DISC1: variants seen among roughly 807,000 people sequenced by gnomAD.
DISC1 encodes DISC1 scaffold protein.
Under a neutral mutation model 84.5 loss-of-function variants are expected in DISC1, and 57 were observed. That is an observed-to-expected ratio of 0.67 (90% confidence interval 0.55 to 0.84). The LOEUF (loss-of-function observed/expected upper bound fraction) is 0.84, where lower values mean the gene tolerates loss of function less well. Ranked by LOEUF, DISC1 falls within the 40% of genes least tolerant of loss-of-function variation. The pLI is 0.00. For synonymous variants in DISC1, 411 were observed against 415.2 expected, an observed-to-expected ratio of 0.99 and a Z score of 0.12; for missense variants, 1,000 against 1,057.8, an observed-to-expected ratio of 0.95 and a Z score of 0.76.
At chr1:232,034,860 CG>C (rs1670368422) in intron 12 of DISC1, among the ~76,000 whole-genome samples, 2 of 150,244 alleles carry the variant, frequency 1.3e-5, no homozygotes, top group Non-Finnish European at 3.0e-5. Context: ...TAAAGATTAG[CG>C]GAACTATGTA....
intron 4 of DISC1, 129 bp from the exon 5 acceptor site, chr1:231,767,011 G>A: frequency 8.0e-7 from 1 of 1,244,150 alleles, no homozygotes; most frequent in Non-Finnish European, 1.1e-6. Context: ...CCTAAAAACA[G>A]GTAAGTACCC....
At position 231,885,917 on chromosome 1, in the gene DISC1, T is replaced by A. The variant is rs545350174; in HGVS notation, c.1981+67400T>A. Among the ~76,000 whole-genome samples the A allele has an allele frequency of 3.9e-5, 6 of 152,294 alleles. No homozygotes were observed. The East Asian group carries it at 1.2e-3, about 29-fold the overall frequency. On this transcript the variant is annotated intron_variant, in intron 9 of 12. Transcript: ENST00000439617. ...TGGCCATAACAGAACACCATAGATT[T>A]GGTAATTTATAAAGAGCAGAAACAT...
intron 1 of DISC1, among the ~76,000 whole-genome samples, chr1:231,673,043 G>T (rs1417942950): frequency 6.6e-6 from 1 of 152,218 alleles, no homozygotes; most frequent in Non-Finnish European, 1.5e-5. Context: ...CCTCTGGTGA[G>T]TGCAGGGGGA....
At chr1:231,995,530 C>T (rs1249384632) in intron 10 of DISC1, among the ~76,000 whole-genome samples, 1 of 151,986 alleles carries the variant, frequency 6.6e-6, no homozygotes, top group East Asian at 1.9e-4. Flanking sequence ...GTGATGTTCC[C>T]CTTCCTGTGT....
At chr1:231,969,752 C>G (rs543314995) in intron 10 of DISC1, among the ~76,000 whole-genome samples, 2 of 152,046 alleles carry the variant, frequency 1.3e-5, no homozygotes, top group East Asian at 1.9e-4. Context: ...CTCCCCTCTC[C>G]CCCCACCCCA....
chr1:231,874,483 A>G (rs568388055), intron 9 of DISC1, among the ~76,000 whole-genome samples: 1 of 152,160 alleles, frequency 6.6e-6, no homozygotes, highest in African/African-American at 2.4e-5. Context: ...GTGATGTTCA[A>G]ACACATGGCC....
At chr1:231,952,543 T>C (rs1658619150) in intron 9 of DISC1, among the ~76,000 whole-genome samples, 1 of 152,042 alleles carries the variant, frequency 6.6e-6, no homozygotes, top group Admixed American at 6.6e-5. Flanking sequence ...TACATGCAAA[T>C]CAAAATCTTT....
At chr1:231,631,316 T>C (rs1252343877) in intron 1 of DISC1, among the ~76,000 whole-genome samples, 1 of 152,244 alleles carries the variant, frequency 6.6e-6, no homozygotes, top group Non-Finnish European at 1.5e-5. Context: ...CATAAGATTA[T>C]ACTGGGCTGT....
chr1:231,916,523 C>T (rs984006110), intron 9 of DISC1, among the ~76,000 whole-genome samples: 2 of 150,550 alleles, frequency 1.3e-5, no homozygotes, highest in African/African-American at 2.4e-5. Flanking sequence ...GGCGTAGTGG[C>T]GGGCGCCTGT....
At chr1:231,669,771 T>A (rs531403581) in intron 1 of DISC1, among the ~76,000 whole-genome samples, 1 of 152,182 alleles carries the variant, frequency 6.6e-6, no homozygotes, top group Admixed American at 6.5e-5. Flanking sequence ...ATGCTGTCGG[T>A]GGGAGTGTAA....
chr1:231,854,972 TC>T, intron 9 of DISC1: 1 of 1,074,824 alleles, frequency 9.3e-7, no homozygotes, highest in Non-Finnish European at 1.2e-6. Flanking sequence ...TTCCTCAGCC[TC>T]CCAAAGTGCT....
chr1:231,753,803 G>A (rs1389334690), intron 4 of DISC1, among the ~76,000 whole-genome samples: 2 of 152,158 alleles, frequency 1.3e-5, no homozygotes, highest in African/African-American at 4.8e-5. Flanking sequence ...AGAATAGGTT[G>A]TTAGAAGCAG....
intron 12 of DISC1, among the ~76,000 whole-genome samples, chr1:232,034,930 A>AAT (rs1670378783): frequency 1.3e-5 from 2 of 151,970 alleles, no homozygotes; most frequent in Admixed American, 1.3e-4. Context: ...TAAATATTGG[A>AAT]TTCTTTCCTC....
In DISC1 at chr1:231,691,261, T is replaced by G. The variant is rs2064968730; in HGVS notation, c.68-2565T>G. Among the ~76,000 whole-genome samples, 3 of 152,052 alleles carry G rather than the reference T, an allele frequency of 2.0e-5. No individual in the cohort carries two copies. The South Asian group carries it at 6.2e-4, about 32-fold the overall frequency. On this transcript the variant is annotated intron_variant, in intron 1 of 12. Transcript: ENST00000439617. ...GCCTGGCCAATATGGTGAAACCCCC[T>G]CTCTACTAAAAATACAAAAATTAGC...
At chr1:231,837,126 G>T (rs1419546265) in intron 9 of DISC1, among the ~76,000 whole-genome samples, 4 of 151,944 alleles carry the variant, frequency 2.6e-5, no homozygotes, top group African/African-American at 9.7e-5. Flanking sequence ...TTTCTCAGGA[G>T]GTCTGACATT....
chr1:232,004,222 TATAAG>T (rs1363786648), intron 10 of DISC1, among the ~76,000 whole-genome samples: 7 of 151,578 alleles, frequency 4.6e-5, no homozygotes, highest in East Asian at 3.9e-4. Flanking sequence ...AAAATGGAAA[TATAAG>T]ATAAGAACAA....
rs1670593522 is a variant in DISC1, at chr1:232,037,496, G to A, written c.*665G>A. 1 of 152,224 alleles carries A rather than the reference G, an allele frequency of 6.6e-6. No homozygotes were observed. The highest frequency in any genetic ancestry group is 2.4e-5 in the African/African-American group (1 of 41,456). 9.4% of individuals were successfully genotyped at this position (152,224 alleles called of 1,614,324 possible). ...TTGCATCTGAAGAAAGGATCCCTGA[G>A]AGTCTCTGTTTCATCAGGACATTCT... On this transcript the variant is annotated 3_prime_UTR_variant, in exon 13 of 13. Coordinates refer to ENST00000439617, the MANE Select transcript of DISC1 (RefSeq NM_018662.3).
At chr1:231,849,464 G>C (rs2125894360) in intron 9 of DISC1, among the ~76,000 whole-genome samples, 1 of 152,258 alleles carries the variant, frequency 6.6e-6, no homozygotes, top group East Asian at 1.9e-4. Context: ...AGAGAGGTTA[G>C]ACAACATGCC....
At chr1:231,831,595 G>C (rs930352013) in intron 9 of DISC1, among the ~76,000 whole-genome samples, 1 of 152,200 alleles carries the variant, frequency 6.6e-6, no homozygotes, top group Non-Finnish European at 1.5e-5. Flanking sequence ...GGGATCTGAC[G>C]CCTTTTGATG....
Sources: allele counts gnomAD v4.1 joint callset (sites outside exome capture counted in the v4.1 genomes callset), GRCh38; gene constraint gnomAD v4.1.1; transcripts MANE v1.5; gene names NCBI Gene and HGNC (gene_info 2026-07-23, HGNC 2026-07-21).